The following CAB39 variants were observed in gnomAD, a reference collection of about 807,000 sequenced individuals.
CAB39 encodes calcium binding protein 39.
CAB39 carries 8 observed loss-of-function variants against 40.0 expected under a neutral mutation model. The observed-to-expected ratio is 0.20, with a 90% CI of 0.12 to 0.36. The LOEUF is 0.36. Among genes scored for constraint, CAB39 ranks in the 10% least tolerant of loss-of-function variants. The pLI is 1.00. For synonymous variants in CAB39, 156 were observed against 141.6 expected (o/e 1.10, Z -0.72); for missense variants, 270 against 401.1 (o/e 0.67, Z 2.79).
chr2:230,801,187 G>A (rs879814982), intron 5 of CAB39, among the ~76,000 whole-genome samples: 1 of 152,180 alleles, frequency 6.6e-6, no homozygotes, highest in Non-Finnish European at 1.5e-5. Context: ...AGAGTCTACA[G>A]CCAAGACAAC....
intron 1 of CAB39, chr2:230,725,071 G>C: frequency 6.6e-7 from 1 of 1,522,648 alleles, no homozygotes; most frequent in Admixed American, 1.7e-5. Flanking sequence ...CTTCGTAGAG[G>C]ACAGGGGAGG....
At chr2:230,806,459 T>A (rs1696195790) in intron 5 of CAB39, among the ~76,000 whole-genome samples, 1 of 152,176 alleles carries the variant, frequency 6.6e-6, no homozygotes, top group African/African-American at 2.4e-5. Flanking sequence ...CATAAATGTG[T>A]TCCATTCCAG....
At chr2:230,786,187 A>AG (rs1695790453) in intron 2 of CAB39, among the ~76,000 whole-genome samples, 12 of 140,978 alleles carry the variant, frequency 8.5e-5, no homozygotes, top group African/African-American at 3.4e-4. Context: ...AAAAAAAAAA[A>AG]AGAGATGGAG....
At chr2:230,743,715 CA>C (rs1279368058) in intron 1 of CAB39, among the ~76,000 whole-genome samples, 3 of 152,082 alleles carry the variant, frequency 2.0e-5, no homozygotes, top group Non-Finnish European at 2.9e-5. Flanking sequence ...CAGTACTGAG[CA>C]AACTACCTTT....
At chr2:230,775,378 G>A (rs1396618897) in intron 2 of CAB39, among the ~76,000 whole-genome samples, 1 of 151,940 alleles carries the variant, frequency 6.6e-6, no homozygotes, top group Non-Finnish European at 1.5e-5. Context: ...TGGGATTACA[G>A]GCATGCGTTG....
rs115216573 is a variant in CAB39 at position 230,753,175 on chromosome 2, G to A, written c.-43-6784G>A. On this transcript the variant is annotated intron_variant, in intron 1 of 8. Coordinates refer to ENST00000258418, the MANE Select transcript of CAB39 (RefSeq NM_016289.4). ...TGGGAGAGAGAAGAAAACAACTAGC[G>A]GAGAGCAGTGCATGAATGCGAAAGG... Among the ~76,000 whole-genome samples the A allele has an allele frequency of 7.4e-3, 1,133 of 152,250 alleles. 12 individuals are homozygous for A. The highest frequency in any genetic ancestry group is 0.025 in the African/African-American group (1,051 of 41,534).
At chr2:230,771,716 C>T (rs575956479) in intron 2 of CAB39, among the ~76,000 whole-genome samples, 7 of 152,152 alleles carry the variant, frequency 4.6e-5, no homozygotes, top group Admixed American at 1.3e-4. Context: ...TAAAAAGCTA[C>T]GGTTGTTAAA....
intron 7 of CAB39, among the ~76,000 whole-genome samples, chr2:230,816,320 T>A (rs1003388011): frequency 6.6e-6 from 1 of 152,226 alleles, no homozygotes; most frequent in African/African-American, 2.4e-5. Context: ...CTTCAGATTT[T>A]CTTTGGTTTC....
chr2:230,777,459 A>T lies in CAB39; in HGVS notation c.115-13413A>T, dbSNP rs1332662762. On this transcript the variant is annotated intron_variant, in intron 2 of 8. Coordinates refer to ENST00000258418, the MANE Select transcript of CAB39 (RefSeq NM_016289.4). ...TTTAAATATGGAGTCTTGCTCTGTC[A>T]CCCAGGCTGGAGTGCAGTGGCATAA... Among the ~76,000 whole-genome samples the T allele has an allele frequency of 7.4e-5, 11 of 149,004 alleles. 1 individual carries two copies. The highest frequency in any genetic ancestry group is 2.7e-4 in the African/African-American group (11 of 40,492).
In CAB39 at chr2:230,791,003, C is replaced by T; in HGVS notation, c.246C>T (p.Thr82=). 6.2e-7 allele frequency: 1 copy of T among 1,602,738 alleles called. No individual in the cohort carries two copies. The highest frequency in any genetic ancestry group is 8.5e-7 in the Non-Finnish European group (1 of 1,176,644). ...TCTATAATAGTGGGCTCCTTAGCAC[C>T]CTGGTAGCTGATTTACAGCTCATTG... ...QELYNSGLLS[T]LVADLQLIDF... Residue 82 remains threonine (T), a synonymous_variant, in exon 3 of 9, where the codon ACC becomes ACT. Coordinates refer to ENST00000258418, the MANE Select transcript of CAB39 (RefSeq NM_016289.4).
chr2:230,817,041 C>T (rs3792063), intron 7 of CAB39, among the ~76,000 whole-genome samples: 4 of 152,084 alleles, frequency 2.6e-5, no homozygotes, highest in Non-Finnish European at 4.4e-5. Context: ...AAGAGTAAGC[C>T]GTGACAGTTT....
intron 2 of CAB39, among the ~76,000 whole-genome samples, chr2:230,784,358 C>G (rs1695751198): frequency 6.6e-6 from 1 of 152,102 alleles, no homozygotes; most frequent in Admixed American, 6.5e-5. Context: ...GAGAAGGCTG[C>G]CCAGTGGTAC....
At chr2:230,768,873 CAA>C (rs1435612821) in intron 2 of CAB39, among the ~76,000 whole-genome samples, 1 of 152,042 alleles carries the variant, frequency 6.6e-6, no homozygotes, top group Non-Finnish European at 1.5e-5. Flanking sequence ...GTATAGAAAA[CAA>C]ATAGTAAGAT....
At chr2:230,756,982 T>C (rs544679471) in intron 1 of CAB39, among the ~76,000 whole-genome samples, 1 of 152,280 alleles carries the variant, frequency 6.6e-6, no homozygotes, top group South Asian at 2.1e-4. Context: ...TGAGCCACCA[T>C]GCCCAGCCTT....
At chr2:230,810,084 ATAAT>A (rs577779771) in intron 5 of CAB39, among the ~76,000 whole-genome samples, 175 bp from the exon 6 acceptor site, 261 of 152,322 alleles carry the variant, frequency 1.7e-3, no homozygotes, top group African/African-American at 5.7e-3. Flanking sequence ...GCAGTTCCAA[ATAAT>A]TAATGATTTT....
intron 5 of CAB39, among the ~76,000 whole-genome samples, chr2:230,808,463 C>T (rs922064926): frequency 1.3e-5 from 2 of 152,196 alleles, no homozygotes; most frequent in Admixed American, 6.5e-5. Context: ...TGGTGCTGTC[C>T]GTACTTGATA....
At chr2:230,815,189 C>T (rs555712936) in intron 7 of CAB39, among the ~76,000 whole-genome samples, 1 of 152,262 alleles carries the variant, frequency 6.6e-6, no homozygotes, top group East Asian at 1.9e-4. Context: ...GCCTTTTTTC[C>T]GTGTAAGGCT....
rs1027751673 is a variant in CAB39, at chr2:230,819,539, T to G, written c.*835T>G. ...AATTTGTACAGCAGAGGAATGTTATTGTAGTAGTATGTAACTATTACCTAA... is the reference window on the plus strand; with the variant it reads ...AATTTGTACAGCAGAGGAATGTTATGGTAGTAGTATGTAACTATTACCTAA... On this transcript the variant is annotated 3_prime_UTR_variant, in exon 9 of 9. Coordinates refer to ENST00000258418, the MANE Select transcript of CAB39 (RefSeq NM_016289.4). 6.5e-6 allele frequency: 1 copy of G among 152,684 alleles called. No individual in the cohort carries two copies. The highest frequency in any genetic ancestry group is 1.5e-5 in the Non-Finnish European group (1 of 68,048). 9.5% of individuals were successfully genotyped at this position (152,684 alleles called of 1,614,324 possible).
chr2:230,765,866 C>G (rs182300575), intron 2 of CAB39, among the ~76,000 whole-genome samples: 7 of 152,158 alleles, frequency 4.6e-5, no homozygotes, highest in African/African-American at 1.4e-4. Context: ...CTGCCCTAAA[C>G]CAGCATTGAA....
Sources: gnomAD v4.1 joint callset for allele counts (sites outside exome capture counted in the v4.1 genomes callset) on GRCh38, gnomAD v4.1.1 for gene constraint, MANE v1.5 for transcripts, NCBI Gene and HGNC (gene_info 2026-07-23, HGNC 2026-07-21) for gene names.